The following HBS1L variants were observed in gnomAD, a reference collection of about 807,000 sequenced individuals.
The protein encoded by HBS1L is HBS1-like protein.
HBS1L carries 55 observed loss-of-function variants against 88.9 expected under a neutral mutation model. The ratio of observed to expected loss-of-function variants is 0.62; its 90% CI spans 0.50 to 0.77. HBS1L has a LOEUF of 0.77. HBS1L is among the 30% of genes least tolerant of loss of function. HBS1L has a pLI of 0.00. For synonymous variants in HBS1L, 267 were observed against 288.5 expected (o/e 0.93, Z 0.76); for missense variants, 741 against 829.3 (o/e 0.89, Z 1.31).
In HBS1L at chr6:134,963,586, G is replaced by C. The variant is rs551298204; in HGVS notation, c.*1693C>G. 1.3e-5 allele frequency: 2 copies of C among 152,284 alleles called. No homozygotes were observed. The highest frequency in any genetic ancestry group is 4.2e-4 in the South Asian group (2 of 4,816). The allele number at this position is 152,284 out of a possible 1,614,324, so 9.4% of individuals were successfully genotyped here. On this transcript the variant is annotated 3_prime_UTR_variant, in exon 18 of 18. Transcript: ENST00000367837. ...ATGTGGCACCACACCCAGCTGATCT[G>C]TTTTTAAATTTTTTCTGTAGAGACA... is the stretch of plus-strand genomic sequence containing the variant.
chr6:135,039,828 C>T, intron 3 of HBS1L, 61 bp from the exon 4 acceptor site: 1 of 1,388,110 alleles, frequency 7.2e-7, no homozygotes, highest in African/African-American at 1.4e-5. Flanking sequence ...AACTTTTAAT[C>T]TTCAAAACTG....
chr6:135,008,091 ACCATT>A (rs1441027471), intron 4 of HBS1L, among the ~76,000 whole-genome samples: 2 of 152,190 alleles, frequency 1.3e-5, no homozygotes, highest in African/African-American at 4.8e-5. Flanking sequence ...AATAAAATGC[ACCATT>A]CCAAAGAAAG....
intron 4 of HBS1L, among the ~76,000 whole-genome samples, chr6:135,018,689 T>C (rs1174479380): frequency 6.6e-6 from 1 of 151,928 alleles, no homozygotes; most frequent in Non-Finnish European, 1.5e-5. Context: ...GACTGAAAAC[T>C]TTGTTGGACT....
chr6:135,005,710 G>A (rs1775591726), intron 4 of HBS1L, among the ~76,000 whole-genome samples: 1 of 152,194 alleles, frequency 6.6e-6, no homozygotes, highest in African/African-American at 2.4e-5. Context: ...TAGAGTTTCT[G>A]AGAAGGTAGA....
At position 134,966,491 on chromosome 6, in the gene HBS1L, G is replaced by A. The variant is rs2114738990; in HGVS notation, c.1899-18C>T. ...TCAAAAACCTATTAAGAAAAAAAAA[G>A]AACAAATGAATATATGATAGAGGTG... On this transcript the variant is annotated intron_variant, in intron 16 of 17. Coordinates refer to ENST00000367837, the MANE Select transcript of HBS1L (RefSeq NM_006620.4). 3 of 1,519,676 alleles carry A rather than the reference G, an allele frequency of 2.0e-6. No individual in the cohort carries two copies. The highest frequency in any genetic ancestry group is 1.7e-4 in the Middle Eastern group (1 of 5,758). The allele number at this position is 1,519,676 out of a possible 1,614,324, so 94.1% of individuals were successfully genotyped here.
chr6:134,960,816 G>A lies in HBS1L; in HGVS notation c.*4463C>T, dbSNP rs1303788090. 3.3e-5 allele frequency: 5 copies of A among 152,092 alleles called. No homozygotes were observed. Among genetic ancestry groups the A allele is most frequent in the African/African-American group, 4.8e-5 (2 of 41,422 alleles). 9.4% of individuals were successfully genotyped at this position (152,092 alleles called of 1,614,324 possible). A position where few individuals can be genotyped will look rare whatever the true frequency, so the allele number is the denominator to read the frequency against. ...ATTATAGATATGTCATGTTAAATGA[G>A]TATATGAAAATTGCTTGGCACATGG... On this transcript the variant is annotated 3_prime_UTR_variant, in exon 18 of 18. Transcript: ENST00000367837.
rs562823604 is a variant in HBS1L, at chr6:135,002,631, A to T, written c.539+103T>A. Reference sequence around the variant, plus strand: ...GATATATGATACTTCAGTGCTAATGATATATTATGCGAAATTGAAACAGTC... The same window carrying T: ...GATATATGATACTTCAGTGCTAATGTTATATTATGCGAAATTGAAACAGTC... On this transcript the variant is annotated intron_variant, in intron 5 of 17. Transcript: ENST00000367837. 92 of 673,302 alleles carry T rather than the reference A, an allele frequency of 1.4e-4. No individual in the cohort carries two copies. The African/African-American group carries it at 1.5e-3, about 11-fold the overall frequency. The allele number at this position is 673,302 out of a possible 1,614,324, so 41.7% of individuals were successfully genotyped here.
intron 4 of HBS1L, chr6:135,027,302 C>T (rs955152010): frequency 5.4e-5 from 8 of 149,496 alleles, no homozygotes; most frequent in African/African-American, 2.0e-4. Flanking sequence ...TATGAAACTA[C>T]AGAGAACTAC....
chr6:135,030,637 G>T (rs1313563724), intron 4 of HBS1L, among the ~76,000 whole-genome samples: 1 of 152,112 alleles, frequency 6.6e-6, no homozygotes, highest in South Asian at 2.1e-4. Flanking sequence ...TCTGCTAAAA[G>T]CTAATGGCCT....
At chr6:134,984,631 CTT>C (rs755020607) in intron 12 of HBS1L, among the ~76,000 whole-genome samples, 22 of 152,210 alleles carry the variant, frequency 1.4e-4, no homozygotes, top group Non-Finnish European at 2.9e-4. Flanking sequence ...AATAATAAAT[CTT>C]ATATCCTTTT....
intron 15 of HBS1L, among the ~76,000 whole-genome samples, chr6:134,974,984 AATGAT>A (rs1195834038): frequency 6.6e-6 from 1 of 152,164 alleles, no homozygotes; most frequent in Non-Finnish European, 1.5e-5. Context: ...TCTGTTTGCC[AATGAT>A]ATAATTACAT....
chr6:135,047,323 C>T (rs1036310144), intron 2 of HBS1L, among the ~76,000 whole-genome samples: 2 of 152,174 alleles, frequency 1.3e-5, no homozygotes, highest in African/African-American at 4.8e-5. Context: ...AGGTGTCTTT[C>T]AGTAATCCCC....
At chr6:134,988,465 A>C (rs1168281808) in intron 8 of HBS1L, among the ~76,000 whole-genome samples, 1 of 151,852 alleles carries the variant, frequency 6.6e-6, no homozygotes, top group Non-Finnish European at 1.5e-5. Context: ...AACATAAAAA[A>C]CCCCAAAACA....
intron 2 of HBS1L, among the ~76,000 whole-genome samples, chr6:135,044,118 T>C (rs1776836666): frequency 1.3e-5 from 2 of 152,238 alleles, no homozygotes; most frequent in African/African-American, 4.8e-5. Context: ...TTTACAATAT[T>C]ATCCTTTAGT....
At chr6:134,996,692 T>A in intron 7 of HBS1L, 85 bp downstream of exon 7, 1 of 959,780 alleles carries the variant, frequency 1.0e-6, no homozygotes, top group Non-Finnish European at 1.5e-6. Context: ...GTATTTCATA[T>A]GTTTTACAAA....
At chr6:135,040,807 C>T (rs1776711386) in intron 3 of HBS1L, among the ~76,000 whole-genome samples, 1 of 151,988 alleles carries the variant, frequency 6.6e-6, no homozygotes. Context: ...ATCCCTAGAA[C>T]CCTTTGTATC....
intron 4 of HBS1L, among the ~76,000 whole-genome samples, chr6:135,003,669 C>T (rs1775529155): frequency 6.6e-6 from 1 of 151,550 alleles, no homozygotes; most frequent in Non-Finnish European, 1.5e-5. Context: ...AGTTCGAGAC[C>T]AGCCTGACCA....
At chr6:134,984,064 C>G (rs1474069724) in intron 12 of HBS1L, among the ~76,000 whole-genome samples, 2 of 152,106 alleles carry the variant, frequency 1.3e-5, no homozygotes, top group Admixed American at 6.6e-5. Context: ...AGGAGAGCAG[C>G]GTAGGCGGAA....
At chr6:134,997,118 C>T (rs527568619) in intron 6 of HBS1L, among the ~76,000 whole-genome samples, 176 bp from the exon 7 acceptor site, 38 of 152,070 alleles carry the variant, frequency 2.5e-4, no homozygotes, top group Middle Eastern at 6.8e-3. Context: ...TCTTTACAGA[C>T]GGGGGGAATT....
Sources: gnomAD v4.1 joint callset for allele counts (sites outside exome capture counted in the v4.1 genomes callset) on GRCh38, gnomAD v4.1.1 for gene constraint, MANE v1.5 for transcripts, NCBI Gene and HGNC (gene_info 2026-07-23, HGNC 2026-07-21) for gene names.